The following RAPGEF2 variants were observed in gnomAD, a reference collection of about 807,000 sequenced individuals.
The protein encoded by RAPGEF2 is Rap guanine nucleotide exchange factor 2, also known as PDZ domain containing guanine nucleotide exchange factor (GEF) 1.
A neutral mutation model predicts 186.7 loss-of-function variants in RAPGEF2; 54 were observed. The observed-to-expected ratio is 0.29, with a 90% CI of 0.23 to 0.36. The LOEUF is 0.36. Among genes scored for constraint, RAPGEF2 ranks in the 10% least tolerant of loss-of-function variants. RAPGEF2 has a pLI of 1.00. For missense variants in RAPGEF2, 1,532 were observed against 2,045.0 expected (o/e 0.75, Z 4.84); for synonymous variants, 712 against 705.9 (o/e 1.01, Z -0.14).
intron 12 of RAPGEF2, 71 bp from the exon 13 acceptor site, chr4:159,330,263 A>G (rs879211200): frequency 1.5e-4 from 61 of 410,478 alleles, no homozygotes; most frequent in African/African-American, 8.4e-4. Flanking sequence ...GTGTATATGT[A>G]TATGTGTGTG....
intron 11 of RAPGEF2, chr4:159,329,331 T>C (rs1339286359): frequency 6.6e-6 from 1 of 152,292 alleles, no homozygotes; most frequent in Non-Finnish European, 1.5e-5. Flanking sequence ...CATATGTGGT[T>C]TGTGTTTTGA....
intron 1 of RAPGEF2, among the ~76,000 whole-genome samples, chr4:159,118,750 A>G (rs1739336195): frequency 6.6e-6 from 1 of 151,904 alleles, no homozygotes; most frequent in Non-Finnish European, 1.5e-5. Context: ...CTTGCCTGCA[A>G]ATTTTGGTAT....
chr4:159,267,363 T>G lies in RAPGEF2; in HGVS notation c.543+23572T>G, dbSNP rs1202484742. 7.1e-6 allele frequency: 9 copies of G among 1,270,212 alleles called. No individual in the cohort carries two copies. In the Admixed American group the frequency reaches 1.2e-4, roughly 16 times the overall value. 78.7% of individuals were successfully genotyped at this position (1,270,212 alleles called of 1,614,324 possible). A position where few individuals can be genotyped will look rare whatever the true frequency, so the allele number is the denominator to read the frequency against. ...GTATTGCATTCAGACTCATGATTTT[T>G]GAGATTGTGTGTGTGCATGTGCTGT... On this transcript the variant is annotated intron_variant, in intron 7 of 29. Coordinates refer to ENST00000691494, the MANE Select transcript of RAPGEF2 (RefSeq NM_001394067.2).
chr4:159,264,512 C>T (rs545731592), intron 7 of RAPGEF2, among the ~76,000 whole-genome samples: 2 of 152,186 alleles, frequency 1.3e-5, no homozygotes, highest in South Asian at 2.1e-4. Context: ...TTGTGGGACA[C>T]GGGCCAGATG....
At chr4:159,158,865 T>C (rs889208602) in intron 1 of RAPGEF2, among the ~76,000 whole-genome samples, 3 of 152,230 alleles carry the variant, frequency 2.0e-5, no homozygotes, top group African/African-American at 7.2e-5. Flanking sequence ...TACTCAAGTT[T>C]CACTCTTATT....
intron 1 of RAPGEF2, among the ~76,000 whole-genome samples, chr4:159,107,589 A>G: frequency 6.6e-6 from 1 of 152,066 alleles, no homozygotes; most frequent in African/African-American, 2.4e-5. Context: ...CCCCCACCCC[A>G]TCTCCTCCTA....
chr4:159,335,835 CAAAAAAAA>C (rs778302629), intron 17 of RAPGEF2, among the ~76,000 whole-genome samples: 1 of 48,166 alleles, frequency 2.1e-5, no homozygotes, highest in Admixed American at 2.3e-4. Flanking sequence ...GACTCCGTCT[CAAAAAAAA>C]AAAAAAAAAA....
intron 4 of RAPGEF2, among the ~76,000 whole-genome samples, chr4:159,223,367 TTA>T (rs1751721677): frequency 6.6e-6 from 1 of 152,220 alleles, no homozygotes; most frequent in Non-Finnish European, 1.5e-5. Flanking sequence ...CAAGATAATC[TTA>T]TCTTTTCTTG....
In RAPGEF2 at chr4:159,123,418, A is replaced by G. The variant is rs1400793563; in HGVS notation, c.69+19187A>G. ...CTTGTTGCCTGCCTTGGTGGTTACA[A>G]AAATTTGTGTTTCACTGGCTTCTGG... On this transcript the variant is annotated intron_variant, in intron 1 of 29. Coordinates refer to ENST00000691494, the MANE Select transcript of RAPGEF2 (RefSeq NM_001394067.2). 4.6e-5 allele frequency among the ~76,000 whole-genome samples: 7 copies of G among 152,262 alleles called. No individual in the cohort carries two copies. The South Asian group carries it at 6.2e-4, about 14-fold the overall frequency.
At chr4:159,337,889 C>CAAAAAAAAAAAAAAAAAAAAAAAA (rs553291521) in intron 17 of RAPGEF2, among the ~76,000 whole-genome samples, 3 of 32,576 alleles carry the variant, frequency 9.2e-5, no homozygotes, top group Non-Finnish European at 2.5e-4. Flanking sequence ...GACTCCATCT[C>CAAAAAAAAAAAAAAAAAAAAAAAA]AAAAAAAAAA....
At chr4:159,119,923 A>G (rs185932899) in intron 1 of RAPGEF2, among the ~76,000 whole-genome samples, 7 of 152,294 alleles carry the variant, frequency 4.6e-5, no homozygotes, top group Non-Finnish European at 7.4e-5. Flanking sequence ...GGGTGCTCCA[A>G]TTGTATGTAC....
chr4:159,137,368 G>A (rs1462487566), intron 1 of RAPGEF2, among the ~76,000 whole-genome samples: 7 of 152,136 alleles, frequency 4.6e-5, no homozygotes, highest in South Asian at 2.1e-4. Flanking sequence ...AAATGTAGGA[G>A]GAGCAGAGGG....
intron 8 of RAPGEF2, 110 bp downstream of exon 8, chr4:159,304,583 G>A (rs1448861358): frequency 1.2e-5 from 11 of 953,390 alleles, no homozygotes; most frequent in African/African-American, 1.7e-5. Flanking sequence ...TATTACATGT[G>A]CATGTAAGTA....
chr4:159,138,435 C>T (rs1741956405), intron 1 of RAPGEF2, among the ~76,000 whole-genome samples: 1 of 152,166 alleles, frequency 6.6e-6, no homozygotes, highest in Non-Finnish European at 1.5e-5. Flanking sequence ...AAAGCCTTAT[C>T]TCTTTCAGCT....
At chr4:159,230,166 A>G (rs1038636354) in intron 4 of RAPGEF2, among the ~76,000 whole-genome samples, 2 of 152,124 alleles carry the variant, frequency 1.3e-5, no homozygotes, top group Non-Finnish European at 2.9e-5. Context: ...CACATATACC[A>G]TACTTCTCCC....
In RAPGEF2 at chr4:159,241,199, A is replaced by T; in HGVS notation, c.358-2A>T. ...ATGAAATTTTGGGGGGTTTTATTTC[A>T]GGTGGACTATATGGATGAAAATGAA... On this transcript the variant is annotated splice_acceptor_variant, in intron 5 of 29. Coordinates refer to ENST00000691494, the MANE Select transcript of RAPGEF2 (RefSeq NM_001394067.2). LOFTEE classifies it high-confidence loss of function. 1 of 1,497,202 alleles carries T rather than the reference A, an allele frequency of 6.7e-7. No individual in the cohort carries two copies. The highest frequency in any genetic ancestry group is 8.9e-7 in the Non-Finnish European group (1 of 1,125,424). 92.7% of individuals were successfully genotyped at this position (1,497,202 alleles called of 1,614,324 possible).
At chr4:159,158,727 T>C (rs530334926) in intron 1 of RAPGEF2, among the ~76,000 whole-genome samples, 3 of 152,320 alleles carry the variant, frequency 2.0e-5, no homozygotes, top group South Asian at 4.1e-4. Context: ...CTTTTTAATT[T>C]ATGCAATTTG....
At position 159,356,124 on chromosome 4, in the gene RAPGEF2, C is replaced by G; in HGVS notation, c.4923C>G (p.Pro1641=). The G allele has an allele frequency of 1.9e-6, 3 of 1,613,742 alleles. No individual in the cohort carries two copies. The highest frequency in any genetic ancestry group is 2.5e-6 in the Non-Finnish European group (3 of 1,179,840). The stretch of plus-strand genomic sequence containing the variant: ...ACGAGTCTGACCCGCGCCTCGCCCC[C>G]TATCAGTCCCAAGGGTTTTCCACCG... ...KPNESDPRLA[P]YQSQGFSTEE... is the part of the protein sequence containing the mutation. Residue 1641 remains proline (P), a synonymous_variant, in exon 29 of 30, where the codon CCC becomes CCG. Transcript: ENST00000691494.
chr4:159,206,193 G>C (rs1351026053), intron 3 of RAPGEF2, among the ~76,000 whole-genome samples: 1 of 152,254 alleles, frequency 6.6e-6, no homozygotes, highest in Non-Finnish European at 1.5e-5. Flanking sequence ...GCCTTCCGAA[G>C]TGCTGGGATG....
Sources: allele counts gnomAD v4.1 joint callset (sites outside exome capture counted in the v4.1 genomes callset), GRCh38; gene constraint gnomAD v4.1.1; transcripts MANE v1.5; gene names NCBI Gene and HGNC (gene_info 2026-07-23, HGNC 2026-07-21).